Variants in TANGO2 observed in about 807,000 individuals in gnomAD.
The protein encoded by TANGO2 is transport and Golgi organization protein 2 homolog.
TANGO2 carries 26 observed loss-of-function variants against 39.1 expected under a neutral mutation model. That is an observed-to-expected ratio of 0.67 (90% confidence interval 0.49 to 0.92). The LOEUF (loss-of-function observed/expected upper bound fraction) is 0.92. Among genes scored for constraint, TANGO2 ranks in the 40% least tolerant of loss-of-function variants. The pLI is 0.00. For synonymous variants in TANGO2, 131 were observed against 144.5 expected (o/e 0.91, Z 0.67); for missense variants, 326 against 360.1 (o/e 0.91, Z 0.77).
At chr22:20,024,427 G>A (rs979244239) in intron 1 of TANGO2, among the ~76,000 whole-genome samples, 1 of 152,188 alleles carries the variant, frequency 6.6e-6, no homozygotes, top group Non-Finnish European at 1.5e-5. Context: ...CCGGGAGCCC[G>A]CGTCACATGT....
chr22:20,056,147 G>A lies in TANGO2; in HGVS notation c.451+134G>A, dbSNP rs2047290111. ...TTTGTGGCCATTTAAGTGCCTTATG[G>A]TCTGTGGGCACCTTGCCCTGCACCT... On this transcript the variant is annotated intron_variant, in intron 6 of 8. Transcript: ENST00000327374. 2.9e-5 allele frequency: 22 copies of A among 769,896 alleles called. No homozygotes were observed. In the East Asian group the frequency reaches 5.6e-4, roughly 19 times the overall value. The allele number at this position is 769,896 out of a possible 1,614,324, so 47.7% of individuals were successfully genotyped here.
At chr22:20,028,091 A>G (rs2041135827) in intron 1 of TANGO2, among the ~76,000 whole-genome samples, 1 of 151,886 alleles carries the variant, frequency 6.6e-6, no homozygotes, top group Non-Finnish European at 1.5e-5. Flanking sequence ...GAGCCACTGC[A>G]CCCTACCTTA....
intron 3 of TANGO2, among the ~76,000 whole-genome samples, chr22:20,051,716 G>C (rs1352776439): frequency 6.6e-6 from 1 of 152,220 alleles, no homozygotes; most frequent in African/African-American, 2.4e-5. Context: ...AGCCGAGTGT[G>C]ATGGTACCTG....
intron 6 of TANGO2, 196 bp downstream of exon 6, chr22:20,056,209 C>G (rs1388299071): frequency 2.9e-6 from 2 of 698,580 alleles, no homozygotes; most frequent in African/African-American, 3.5e-5. Context: ...TGCTCACCCC[C>G]TCCCCATGGG....
chr22:20,032,080 A>G (rs186742650), intron 1 of TANGO2, among the ~76,000 whole-genome samples: 54 of 152,354 alleles, frequency 3.5e-4, no homozygotes, highest in African/African-American at 1.3e-3. Context: ...CACACAGCAC[A>G]GGGAGGAGCT....
At chr22:20,018,740 C>T (rs1019769422), upstream of TANGO2, among the ~76,000 whole-genome samples, 4 of 152,174 alleles carry the variant, frequency 2.6e-5, no homozygotes, top group African/African-American at 7.2e-5. Context: ...GACTCAGGAC[C>T]GCTGTCCAGC....
chr22:20,063,143 T>G (rs2048691893), intron 7 of TANGO2, 195 bp from the exon 8 acceptor site: 1 of 551,566 alleles, frequency 1.8e-6, no homozygotes, highest in Non-Finnish European at 3.2e-6. Context: ...GCGACAAGAG[T>G]GAAACTCCTC....
chr22:20,023,296 T>C (rs56345620), intron 1 of TANGO2, among the ~76,000 whole-genome samples: 26,503 of 75,502 alleles, frequency 0.35, 3,078 homozygotes, highest in Non-Finnish European at 0.43. Flanking sequence ...AGTGCCCCCC[T>C]TTTTTTTTGT....
chr22:20,031,568 C>T (rs1300042615), intron 1 of TANGO2, among the ~76,000 whole-genome samples: 1 of 152,246 alleles, frequency 6.6e-6, no homozygotes, highest in Non-Finnish European at 1.5e-5. Context: ...CATATCTGGG[C>T]TCTTCCATCC....
At chr22:20,039,178 C>A (rs1400067526) in intron 2 of TANGO2, among the ~76,000 whole-genome samples, 1 of 151,068 alleles carries the variant, frequency 6.6e-6, no homozygotes, top group Non-Finnish European at 1.5e-5. Flanking sequence ...AAGTGATCCT[C>A]CTGCCTCAGC....
Position 20,063,439 on chromosome 22 carries a change from C to T in TANGO2, c.707C>T (p.Thr236Ile), listed in dbSNP as rs2048750927. 4 of 1,611,912 alleles carry T rather than the reference C, an allele frequency of 2.5e-6. No homozygotes were observed. Among genetic ancestry groups the T allele is most frequent in the Non-Finnish European group, 2.5e-6 (3 of 1,178,908 alleles). ...AVCVRCPGYGTRTNTIILVDA... is the reference protein window; with the variant it reads ...AVCVRCPGYGIRTNTIILVDA... ...TGCGTGCGCTGCCCTGGCTACGGCACCAGGTATTGCAGCACCGTGGGTGCG... is the reference window on the plus strand; with the variant it reads ...TGCGTGCGCTGCCCTGGCTACGGCATCAGGTATTGCAGCACCGTGGGTGCG... Residue 236 changes from threonine to isoleucine, a missense_variant, in exon 8 of 9, where the codon ACC (threonine) becomes ATC (isoleucine). Physicochemically the swap from Thr to Ile is moderately conservative, Grantham distance 89. Transcript: ENST00000327374.
In TANGO2 at chr22:20,041,083, T is replaced by TG. The variant is rs576169800; in HGVS notation, c.57-2266dup. ...AGAAGCTTCAGGGGCAGGCACTGAG[T>TG]GGGGGGCACACATGTGCACACAGGT... On this transcript the variant is annotated intron_variant, in intron 2 of 8. Coordinates refer to ENST00000327374, the MANE Select transcript of TANGO2 (RefSeq NM_152906.7). Among the ~76,000 whole-genome samples the TG allele has an allele frequency of 2.6e-3, 395 of 152,230 alleles. 1 individual carries two copies. The highest frequency in any genetic ancestry group is 8.0e-3 in the African/African-American group (331 of 41,542).
intron 1 of TANGO2, among the ~76,000 whole-genome samples, chr22:20,026,378 A>C (rs2146762949): frequency 1.4e-5 from 2 of 144,120 alleles, no homozygotes; most frequent in South Asian, 4.6e-4. Context: ...AGCCTGGGCG[A>C]CATAGCGAGA....
At chr22:20,026,436 A>G (rs533237994) in intron 1 of TANGO2, among the ~76,000 whole-genome samples, 31 of 152,112 alleles carry the variant, frequency 2.0e-4, no homozygotes, top group African/African-American at 7.5e-4. Flanking sequence ...GTGCAACCAT[A>G]CAAGGTAGAT....
At chr22:20,058,890 T>G (rs369828321) in intron 6 of TANGO2, among the ~76,000 whole-genome samples, 18 of 152,266 alleles carry the variant, frequency 1.2e-4, no homozygotes, top group South Asian at 8.3e-4. Context: ...CGAGAACATA[T>G]GCAATAGATA....
rs777290579 is a variant in TANGO2, at chr22:20,052,515, A to G, written c.196A>G (p.Thr66Ala). 2.1e-5 allele frequency: 34 copies of G among 1,606,716 alleles called. No homozygotes were observed. Among genetic ancestry groups the G allele is most frequent in the Non-Finnish European group, 2.8e-5 (33 of 1,176,870 alleles). Residue 66 changes from threonine to alanine, a missense_variant, in exon 4 of 9, where the codon ACA (threonine) becomes GCA (alanine). Physicochemically the swap from Thr to Ala is moderately conservative, Grantham distance 58. Transcript: ENST00000327374. ...AGGAGGCACATGGCTGGGCATCAGCACACGTGGCAAGCTGGCAGCACTCAC... is the reference window on the plus strand; with the variant it reads ...AGGAGGCACATGGCTGGGCATCAGCGCACGTGGCAAGCTGGCAGCACTCAC... ...KEGGTWLGIS[T>A]RGKLAALTNY...
intron 6 of TANGO2, chr22:20,056,872 T>A (rs1181451428): frequency 6.6e-6 from 3 of 456,560 alleles, no homozygotes; most frequent in Non-Finnish European, 1.3e-5. Context: ...TGGAACTCTG[T>A]GCCTTAAACG....
At chr22:20,029,592 T>C (rs2041450510) in intron 1 of TANGO2, among the ~76,000 whole-genome samples, 1 of 152,126 alleles carries the variant, frequency 6.6e-6, no homozygotes, top group East Asian at 1.9e-4. Context: ...CTGGCCAGGC[T>C]TGGGGGTGTT....
chr22:20,035,007 C>T (rs1054318345), intron 1 of TANGO2, among the ~76,000 whole-genome samples: 1 of 152,234 alleles, frequency 6.6e-6, no homozygotes, highest in Non-Finnish European at 1.5e-5. Flanking sequence ...CGGATGATGG[C>T]CCCCTGTGGG....
Sources: allele counts gnomAD v4.1 joint callset (sites outside exome capture counted in the v4.1 genomes callset), GRCh38; gene constraint gnomAD v4.1.1; transcripts MANE v1.5; gene names NCBI Gene and HGNC (gene_info 2026-07-23, HGNC 2026-07-21).